Variants in UTRN observed in about 807,000 individuals in gnomAD.
UTRN encodes utrophin, also known as dystrophin-related protein 1.
Under a neutral mutation model 463.9 loss-of-function variants are expected in UTRN, and 283 were observed. The observed-to-expected ratio is 0.61, with a 90% CI of 0.55 to 0.67. The LOEUF is 0.67. Among genes scored for constraint, UTRN ranks in the 30% least tolerant of loss-of-function variants. The pLI, the probability that UTRN is intolerant of heterozygous loss-of-function variation, is 0.00. For missense variants in UTRN, 3,922 were observed against 4,084.3 expected (o/e 0.96, Z 1.08); for synonymous variants, 1,442 against 1,431.5 (o/e 1.01, Z -0.17).
chr6:144,708,150 C>A, intron 53 of UTRN: 1 of 456,048 alleles, frequency 2.2e-6, no homozygotes, highest in South Asian at 2.2e-5. Context: ...AGTGTCTGAT[C>A]ATTTGATAAG....
intron 51 of UTRN, among the ~76,000 whole-genome samples, chr6:144,636,127 G>A (rs1174824151): frequency 6.6e-6 from 1 of 152,224 alleles, no homozygotes; most frequent in African/African-American, 2.4e-5. Flanking sequence ...CCATCGAAGT[G>A]TAAGCCGTCA....
chr6:144,781,950 T>C lies in UTRN; in HGVS notation c.8661T>C (p.Asn2887=). ...CLDLLELSTT[N]EIFKQHKLNQ... ...ATCTCTTAGAGTTGAGTACAACAAA[T>C]GAAATTTTCAAACAGCACAAGTTGA... Residue 2887 remains asparagine, a synonymous_variant, in exon 61 of 75, where the codon AAT becomes AAC. Transcript: ENST00000367545. The C allele has an allele frequency of 6.2e-7, 1 of 1,613,986 alleles. No homozygotes were observed. Among genetic ancestry groups the C allele is most frequent in the Non-Finnish European group, 8.5e-7 (1 of 1,179,954 alleles).
intron 46 of UTRN, among the ~76,000 whole-genome samples, chr6:144,548,165 A>G (rs541749128): frequency 2.0e-5 from 3 of 152,328 alleles, no homozygotes; most frequent in Admixed American, 2.0e-4. Context: ...AAAAATTAAA[A>G]TAAAATTTCA....
intron 63 of UTRN, among the ~76,000 whole-genome samples, chr6:144,794,547 T>C (rs778739515): frequency 2.6e-5 from 4 of 152,236 alleles, no homozygotes; most frequent in Non-Finnish European, 5.9e-5. Flanking sequence ...CTCAGTGCAA[T>C]TATAATTACA....
At chr6:144,534,138 T>A (rs185171149) in intron 43 of UTRN, among the ~76,000 whole-genome samples, 2 of 152,352 alleles carry the variant, frequency 1.3e-5, no homozygotes, top group East Asian at 3.9e-4. Flanking sequence ...TCATGTGACC[T>A]ACAGTTGCTT....
intron 51 of UTRN, among the ~76,000 whole-genome samples, chr6:144,617,596 TTGA>T (rs1011907104): frequency 6.6e-5 from 10 of 152,210 alleles, no homozygotes; most frequent in African/African-American, 2.2e-4. Context: ...CTATGCTTTG[TTGA>T]TGAACTGCAG....
chr6:144,530,668 C>T (rs1796963461), intron 41 of UTRN, among the ~76,000 whole-genome samples: 1 of 152,024 alleles, frequency 6.6e-6, no homozygotes, highest in East Asian at 1.9e-4. Flanking sequence ...TACAACTAAT[C>T]GATCCTGATT....
At chr6:144,381,341 A>G (rs1000775129) in intron 2 of UTRN, among the ~76,000 whole-genome samples, 7 of 152,204 alleles carry the variant, frequency 4.6e-5, no homozygotes, top group Admixed American at 3.9e-4. Flanking sequence ...GTCCCTGCAA[A>G]CAACATGATC....
chr6:144,569,210 A>G (rs1353901693), intron 50 of UTRN, among the ~76,000 whole-genome samples: 1 of 152,022 alleles, frequency 6.6e-6, no homozygotes, highest in Admixed American at 6.6e-5. Context: ...AATTTCAAAA[A>G]TCAGAATATA....
intron 36 of UTRN, 108 bp from the exon 37 acceptor site, chr6:144,514,542 G>T (rs779892309): frequency 1.7e-6 from 2 of 1,179,564 alleles, no homozygotes; most frequent in African/African-American, 1.5e-5. Context: ...ATCTCTTACT[G>T]GGGATCCCAG....
At chr6:144,502,011 T>A (rs984535906) in intron 34 of UTRN, among the ~76,000 whole-genome samples, 2 of 152,198 alleles carry the variant, frequency 1.3e-5, no homozygotes, top group African/African-American at 4.8e-5. Context: ...TTGGAGCTTT[T>A]TATCTGTTCT....
chr6:144,485,381 T>C lies in UTRN; in HGVS notation c.3688-4T>C. ...TGTCTAATTTAAAATTTTTCATGCT[T>C]TAGGAGGTCTGGTCTTGTTGGATTG... On this transcript the variant is annotated splice_polypyrimidine_tract_variant and splice_region_variant and intron_variant, in intron 27 of 74. Transcript: ENST00000367545. The C allele has an allele frequency of 6.2e-7, 1 of 1,614,034 alleles. No individual in the cohort carries two copies. The highest frequency in any genetic ancestry group is 8.5e-7 in the Non-Finnish European group (1 of 1,179,954).
At chr6:144,771,318 T>A (rs192135223) in intron 58 of UTRN, among the ~76,000 whole-genome samples, 1 of 152,042 alleles carries the variant, frequency 6.6e-6, no homozygotes, top group Non-Finnish European at 1.5e-5. Flanking sequence ...AGAGATGAGG[T>A]CTCGCTATGT....
intron 2 of UTRN, among the ~76,000 whole-genome samples, chr6:144,384,434 C>T (rs1210332074): frequency 2.0e-5 from 3 of 152,182 alleles, no homozygotes; most frequent in African/African-American, 7.2e-5. Flanking sequence ...GCCTGATGAT[C>T]TGTGGTGAAA....
intron 51 of UTRN, among the ~76,000 whole-genome samples, chr6:144,657,978 T>A (rs1003468477): frequency 1.3e-5 from 2 of 152,234 alleles, no homozygotes; most frequent in East Asian, 3.8e-4. Context: ...TCTTGAAAGA[T>A]CTCAGCATGT....
rs575283910 is a variant in UTRN, at chr6:144,492,399, G to A, written c.4438-902G>A. On this transcript the variant is annotated intron_variant, in intron 32 of 74. Coordinates refer to ENST00000367545, the MANE Select transcript of UTRN (RefSeq NM_007124.3). ...GTGTTCCGTGGTGTATTTGTACCAC[G>A]TTTTCTTTATCCATTCCCCCATTGA... Among the ~76,000 whole-genome samples the A allele has an allele frequency of 5.9e-5, 9 of 152,200 alleles. No individual in the cohort carries two copies. In the South Asian group the frequency reaches 1.4e-3, roughly 24 times the overall value.
intron 23 of UTRN, among the ~76,000 whole-genome samples, chr6:144,464,052 C>G (rs1393661579): frequency 6.6e-6 from 1 of 151,638 alleles, no homozygotes; most frequent in Non-Finnish European, 1.5e-5. Context: ...ATATTTGGAT[C>G]TAGATCTAAA....
At position 144,782,046 on chromosome 6, in the gene UTRN, G is replaced by A. The variant is rs186791087; in HGVS notation, c.8757G>A (p.Glu2919=). The A allele has an allele frequency of 1.9e-5, 30 of 1,614,008 alleles. No individual in the cohort carries two copies. The highest frequency in any genetic ancestry group is 1.3e-4 in the East Asian group (6 of 44,838). The part of the protein sequence containing the change: ...NCLTTTYDGL[E]QMHKDLVNVP... ...TGACAACAACTTATGATGGACTTGA[G>A]CAAATGCATAAGGACCTGGTCAACG... Residue 2919 remains glutamate (E), a synonymous_variant, in exon 61 of 75, where the codon GAG becomes GAA. Transcript: ENST00000367545.
chr6:144,610,972 C>T (rs1221405783), intron 51 of UTRN, among the ~76,000 whole-genome samples: 1 of 152,120 alleles, frequency 6.6e-6, no homozygotes, highest in Non-Finnish European at 1.5e-5. Flanking sequence ...AAACTATTAG[C>T]AAACCAAATT....
Sources: allele counts gnomAD v4.1 joint callset (sites outside exome capture counted in the v4.1 genomes callset), GRCh38; gene constraint gnomAD v4.1.1; transcripts MANE v1.5; gene names NCBI Gene and HGNC (gene_info 2026-07-23, HGNC 2026-07-21).